GLCE: variants seen among roughly 807,000 people sequenced by gnomAD.
GLCE encodes glucuronic acid epimerase.
Under a neutral mutation model 47.9 loss-of-function variants are expected in GLCE, and 19 were observed. The observed-to-expected ratio is 0.40, with a 90% CI of 0.28 to 0.58. The LOEUF is 0.58. Ranked by LOEUF, GLCE falls within the 20% of genes least tolerant of loss-of-function variation. The probability of loss-of-function intolerance (pLI) is 0.48; values close to 1 mark genes in which losing one functional copy is unlikely to be tolerated. For synonymous variants in GLCE, 245 were observed against 263.4 expected (o/e 0.93, Z 0.68); for missense variants, 556 against 743.3 (o/e 0.75, Z 2.93).
chr15:69,187,313 T>TTAA (rs1163950029), intron 1 of GLCE, among the ~76,000 whole-genome samples: 2 of 152,160 alleles, frequency 1.3e-5, no homozygotes, highest in Non-Finnish European at 2.9e-5. Flanking sequence ...AGAGATACTA[T>TTAA]TAATATATAT....
chr15:69,209,549 AG>A (rs1417440760), intron 1 of GLCE, among the ~76,000 whole-genome samples: 6 of 151,970 alleles, frequency 3.9e-5, no homozygotes, highest in Non-Finnish European at 7.4e-5. Context: ...CTGGAACTTG[AG>A]GGGTCGTCTG....
intron 2 of GLCE, among the ~76,000 whole-genome samples, chr15:69,222,585 G>A (rs1239765257): frequency 6.6e-6 from 1 of 152,164 alleles, no homozygotes; most frequent in African/African-American, 2.4e-5. Flanking sequence ...AACCCTGTGT[G>A]GGGTTCCCAG....
At chr15:69,215,777 G>A (rs2052298882) in intron 2 of GLCE, among the ~76,000 whole-genome samples, 1 of 151,910 alleles carries the variant, frequency 6.6e-6, no homozygotes, top group African/African-American at 2.4e-5. Flanking sequence ...GTATATTTTT[G>A]CCTTTTATCT....
intron 2 of GLCE, among the ~76,000 whole-genome samples, chr15:69,231,816 G>A (rs373708205): frequency 1.3e-5 from 2 of 152,052 alleles, no homozygotes; most frequent in South Asian, 4.1e-4. Context: ...CTGAGACGGA[G>A]TATTTCCCTG....
chr15:69,210,289 T>C (rs915355782), intron 1 of GLCE, 27 bp from the exon 2 acceptor site: 3 of 152,142 alleles, frequency 2.0e-5, no homozygotes, highest in African/African-American at 7.2e-5. Context: ...GGAAGCTGAC[T>C]TAAGGTTTTC....
intron 1 of GLCE, among the ~76,000 whole-genome samples, chr15:69,206,225 T>C (rs1387975517): frequency 6.6e-6 from 1 of 152,076 alleles, no homozygotes; most frequent in Non-Finnish European, 1.5e-5. Context: ...ATGCTTTTCT[T>C]GTGATTAGAC....
At chr15:69,258,438 TC>T (rs1448345535) in intron 3 of GLCE, among the ~76,000 whole-genome samples, 1 of 152,238 alleles carries the variant, frequency 6.6e-6, no homozygotes, top group South Asian at 2.1e-4. Flanking sequence ...TTCAACTATT[TC>T]CCCTCACTGA....
chr15:69,168,712 A>G (rs553393886), intron 1 of GLCE, among the ~76,000 whole-genome samples: 1 of 152,028 alleles, frequency 6.6e-6, no homozygotes, highest in Non-Finnish European at 1.5e-5. Flanking sequence ...TTGTATTTTT[A>G]GTAGAGATGG....
At chr15:69,243,819 T>TA (rs2052709785) in intron 2 of GLCE, among the ~76,000 whole-genome samples, 1 of 118,256 alleles carries the variant, frequency 8.5e-6, no homozygotes, top group African/African-American at 3.2e-5. Flanking sequence ...ATAATTTTTT[T>TA]AAAAAAAAAG....
At chr15:69,236,604 C>T (rs2052596867) in intron 2 of GLCE, among the ~76,000 whole-genome samples, 1 of 152,150 alleles carries the variant, frequency 6.6e-6, no homozygotes, top group Non-Finnish European at 1.5e-5. Context: ...CAAGTTGAGA[C>T]TTGAAAAAAC....
intron 1 of GLCE, among the ~76,000 whole-genome samples, chr15:69,192,128 A>G (rs2051922193): frequency 6.6e-6 from 1 of 152,004 alleles, no homozygotes; most frequent in Admixed American, 6.6e-5. Flanking sequence ...AAATTTCTGT[A>G]GCTATTTTTT....
intron 1 of GLCE, among the ~76,000 whole-genome samples, chr15:69,171,323 A>G (rs1456476913): frequency 2.6e-5 from 4 of 152,142 alleles, no homozygotes; most frequent in African/African-American, 9.7e-5. Flanking sequence ...TTTGAGCAAC[A>G]AGAGTCAGAA....
At chr15:69,257,392 G>A (rs1305342123) in intron 3 of GLCE, among the ~76,000 whole-genome samples, 2 of 152,122 alleles carry the variant, frequency 1.3e-5, no homozygotes, top group Admixed American at 6.6e-5. Context: ...GGCCTGGAGT[G>A]CAGTGATACT....
chr15:69,213,359 G>A (rs2052259812), intron 2 of GLCE, among the ~76,000 whole-genome samples: 1 of 151,920 alleles, frequency 6.6e-6, no homozygotes, highest in Non-Finnish European at 1.5e-5. Flanking sequence ...CAGTTCCTTA[G>A]TCTTTCCGTG....
intron 1 of GLCE, among the ~76,000 whole-genome samples, chr15:69,172,865 CA>C (rs1282921714): frequency 6.6e-6 from 1 of 152,154 alleles, no homozygotes; most frequent in Non-Finnish European, 1.5e-5. Context: ...TTAAAAATGA[CA>C]GACTGTATTT....
At chr15:69,251,911 A>G (rs2052850586) in intron 2 of GLCE, among the ~76,000 whole-genome samples, 1 of 152,198 alleles carries the variant, frequency 6.6e-6, no homozygotes, top group African/African-American at 2.4e-5. Context: ...CTTCCAATAT[A>G]TCTGTCACTC....
At chr15:69,176,213 C>CTTTTTTT (rs1453986168) in intron 1 of GLCE, among the ~76,000 whole-genome samples, 1 of 52,570 alleles carries the variant, frequency 1.9e-5, no homozygotes, top group Non-Finnish European at 4.7e-5. Context: ...TCAGTGGAAC[C>CTTTTTTT]TTGTTTTTTT....
chr15:69,242,342 A>AT (rs1210345074), intron 2 of GLCE, among the ~76,000 whole-genome samples: 2 of 151,850 alleles, frequency 1.3e-5, no homozygotes, highest in East Asian at 3.9e-4. Flanking sequence ...TTCAATGTGG[A>AT]TTTTTTTCAC....
At chr15:69,244,542 G>C (rs2052721173) in intron 2 of GLCE, among the ~76,000 whole-genome samples, 1 of 152,122 alleles carries the variant, frequency 6.6e-6, no homozygotes, top group Non-Finnish European at 1.5e-5. Context: ...GGAGTATTCA[G>C]CTTCTGAAAT....
Sources: allele counts gnomAD v4.1 joint callset (sites outside exome capture counted in the v4.1 genomes callset), GRCh38; gene constraint gnomAD v4.1.1; transcripts MANE v1.5; gene names NCBI Gene and HGNC (gene_info 2026-07-23, HGNC 2026-07-21).